The following FHIT variants were observed in gnomAD, a reference collection of about 807,000 sequenced individuals.
FHIT encodes the protein fragile histidine triad diadenosine triphosphatase.
In FHIT, 19 loss-of-function variants were observed where a neutral mutation model predicts 17.9. The ratio of observed to expected loss-of-function variants is 1.06; its 90% CI spans 0.74 to 1.56. The LOEUF (loss-of-function observed/expected upper bound fraction) is 1.56, where lower values mean the gene tolerates loss of function less well. FHIT is among the 40% of genes most tolerant of loss of function. FHIT has a pLI of 0.00. For missense variants in FHIT, 248 were observed against 189.2 expected, an observed-to-expected ratio of 1.31 and a Z score of -1.82; for synonymous variants, 81 against 69.7, an observed-to-expected ratio of 1.16 and a Z score of -0.81.
intron 1 of FHIT, among the ~76,000 whole-genome samples, chr3:61,228,985 C>A (rs1445443500): frequency 1.3e-5 from 2 of 152,118 alleles, no homozygotes; most frequent in Non-Finnish European, 1.5e-5. Flanking sequence ...GGATTTTCTC[C>A]ATGTCACTTC....
chr3:60,778,091 A>G (rs1281081159), intron 4 of FHIT, among the ~76,000 whole-genome samples: 1 of 152,212 alleles, frequency 6.6e-6, no homozygotes, highest in Non-Finnish European at 1.5e-5. Flanking sequence ...ATGATGCTCA[A>G]TCTTCTTTAG....
At chr3:60,650,196 T>A (rs1029575386) in intron 4 of FHIT, among the ~76,000 whole-genome samples, 1 of 152,194 alleles carries the variant, frequency 6.6e-6, no homozygotes, top group African/African-American at 2.4e-5. Context: ...AAAAAACCCA[T>A]GTTCTCTGCT....
intron 8 of FHIT, among the ~76,000 whole-genome samples, chr3:59,914,364 C>T (rs147451198): frequency 2.6e-5 from 4 of 152,160 alleles, no homozygotes; most frequent in East Asian, 3.9e-4. Flanking sequence ...ACACTCAAGC[C>T]GGGATTCTAA....
rs567653004 is a variant in FHIT, at chr3:60,439,883, G to C, written c.103+96977C>G. Among the ~76,000 whole-genome samples, 6 of 152,226 alleles carry C rather than the reference G, an allele frequency of 3.9e-5. No individual in the cohort carries two copies. In the East Asian group the frequency reaches 9.7e-4, roughly 25 times the overall value. On this transcript the variant is annotated intron_variant, in intron 5 of 9. Transcript: ENST00000492590. ...TTCTTTCTTTGTGCTGTGGGCAAGA[G>C]ATGCACATGCCAGTCTAAATGAACC...
intron 4 of FHIT, among the ~76,000 whole-genome samples, chr3:60,591,296 A>T (rs2038075698): frequency 6.7e-6 from 1 of 148,974 alleles, no homozygotes; most frequent in African/African-American, 2.4e-5. Context: ...AAACTACAGC[A>T]TGACCCTCTA....
intron 1 of FHIT, among the ~76,000 whole-genome samples, chr3:61,240,327 C>A (rs898546347): frequency 1.3e-5 from 2 of 152,158 alleles, no homozygotes; most frequent in Non-Finnish European, 2.9e-5. Flanking sequence ...TGTGTACAGC[C>A]CTGCAAGCTT....
At chr3:60,586,716 A>T (rs1482291696) in intron 4 of FHIT, among the ~76,000 whole-genome samples, 1 of 152,040 alleles carries the variant, frequency 6.6e-6, no homozygotes, top group African/African-American at 2.4e-5. Flanking sequence ...GCTGGAGGCC[A>T]TTATACTTAG....
At chr3:60,833,304 C>T (rs1427697408) in intron 3 of FHIT, among the ~76,000 whole-genome samples, 1 of 152,150 alleles carries the variant, frequency 6.6e-6, no homozygotes, top group African/African-American at 2.4e-5. Flanking sequence ...AGAGGCAGTT[C>T]CCAGGCTATG....
At chr3:59,759,779 T>G (rs1197202424) in intron 8 of FHIT, among the ~76,000 whole-genome samples, 1 of 152,092 alleles carries the variant, frequency 6.6e-6, no homozygotes, top group Non-Finnish European at 1.5e-5. Context: ...CTGAGCAGAC[T>G]GGCGCCCACG....
intron 1 of FHIT, among the ~76,000 whole-genome samples, chr3:61,220,102 C>T (rs1234624289): frequency 1.3e-5 from 2 of 152,194 alleles, no homozygotes; most frequent in African/African-American, 4.8e-5. Flanking sequence ...AGAGTCTGTG[C>T]ATTCAGGTAC....
intron 7 of FHIT, among the ~76,000 whole-genome samples, chr3:60,003,736 C>G (rs1233465650): frequency 6.6e-6 from 1 of 151,980 alleles, no homozygotes; most frequent in African/African-American, 2.4e-5. Flanking sequence ...CAAAGCGAGA[C>G]TCTGTCTCAA....
chr3:59,845,405 T>C (rs1294551923), intron 8 of FHIT, among the ~76,000 whole-genome samples: 1 of 152,122 alleles, frequency 6.6e-6, no homozygotes, highest in Non-Finnish European at 1.5e-5. Context: ...TAAATATAAG[T>C]ATTTGTAGCT....
intron 8 of FHIT, among the ~76,000 whole-genome samples, chr3:59,833,877 C>A (rs1701250452): frequency 6.6e-6 from 1 of 152,134 alleles, no homozygotes; most frequent in African/African-American, 2.4e-5. Context: ...GTGTATGGCA[C>A]TTCCCACTTT....
At chr3:61,034,607 T>C (rs1284010635) in intron 3 of FHIT, among the ~76,000 whole-genome samples, 1 of 152,188 alleles carries the variant, frequency 6.6e-6, no homozygotes, top group Non-Finnish European at 1.5e-5. Flanking sequence ...ATAGGATGGC[T>C]ATTATTTTCT....
intron 5 of FHIT, among the ~76,000 whole-genome samples, chr3:60,182,597 G>A (rs898588920): frequency 1.3e-5 from 2 of 151,966 alleles, no homozygotes; most frequent in African/African-American, 4.8e-5. Flanking sequence ...GGGCAACATG[G>A]CAAGTTCCTG....
At position 59,867,785 on chromosome 3, in the gene FHIT, G is replaced by T. The variant is rs530194743; in HGVS notation, c.348+54561C>A. 9.9e-5 allele frequency among the ~76,000 whole-genome samples: 15 copies of T among 152,040 alleles called. 1 individual carries two copies. In the South Asian group the frequency reaches 1.2e-3, roughly 13 times the overall value. On this transcript the variant is annotated intron_variant, in intron 8 of 9. Coordinates refer to ENST00000492590, the MANE Select transcript of FHIT (RefSeq NM_002012.4). ...TGAGAGTTTCACTCTAGATTATAGA[G>T]GACAAAATCATCTCCCCACCTCCAC... is the stretch of plus-strand genomic sequence containing the variant.
intron 2 of FHIT, among the ~76,000 whole-genome samples, chr3:61,167,649 AAGAAAAG>A (rs1198516136): frequency 2.0e-5 from 3 of 150,518 alleles, no homozygotes; most frequent in Non-Finnish European, 4.4e-5. Context: ...AAAAAAAAGA[AAGAAAAG>A]AAAAGAGAAA....
chr3:61,065,048 C>G (rs1427970566), intron 2 of FHIT, among the ~76,000 whole-genome samples: 1 of 152,124 alleles, frequency 6.6e-6, no homozygotes, highest in Non-Finnish European at 1.5e-5. Context: ...GCATAATTCC[C>G]TGTCCTTTGG....
At chr3:60,812,038 G>A (rs1224929615) in intron 4 of FHIT, among the ~76,000 whole-genome samples, 1 of 152,072 alleles carries the variant, frequency 6.6e-6, no homozygotes, top group Non-Finnish European at 1.5e-5. Context: ...ACGCACTGAT[G>A]TAAAATTCTG....
Sources: gnomAD v4.1 joint callset for allele counts (sites outside exome capture counted in the v4.1 genomes callset) on GRCh38, gnomAD v4.1.1 for gene constraint, MANE v1.5 for transcripts, NCBI Gene and HGNC (gene_info 2026-07-23, HGNC 2026-07-21) for gene names.